The following PCCA variants were observed in gnomAD, a reference collection of about 807,000 sequenced individuals.
PCCA encodes the protein propionyl-CoA carboxylase subunit alpha.
A neutral mutation model predicts 101.3 loss-of-function variants in PCCA; 74 were observed. The observed-to-expected ratio is 0.73, with a 90% CI of 0.61 to 0.89. The LOEUF is 0.89. PCCA is among the 40% of genes least tolerant of loss of function. The probability of loss-of-function intolerance (pLI) is 0.00; values close to 1 mark genes in which losing one functional copy is unlikely to be tolerated. For synonymous variants in PCCA, 294 were observed against 313.6 expected, an observed-to-expected ratio of 0.94 and a Z score of 0.66; for missense variants, 891 against 907.0, an observed-to-expected ratio of 0.98 and a Z score of 0.23.
In PCCA at chr13:100,453,485, A is replaced by G. The variant is rs532540637; in HGVS notation, c.1899+4180A>G. ...ACCACTACACTCTAGTTTAAAAAAAAAAAAAGAAGAAGAAGAAACAAATGG... is the reference window on the plus strand; with the variant it reads ...ACCACTACACTCTAGTTTAAAAAAAGAAAAAGAAGAAGAAGAAACAAATGG... On this transcript the variant is annotated intron_variant, in intron 21 of 23. Transcript: ENST00000376285. Among the ~76,000 whole-genome samples the G allele has an allele frequency of 6.7e-4, 96 of 142,922 alleles. 1 individual carries two copies. Among genetic ancestry groups the G allele is most frequent in the Admixed American group, 2.7e-3 (38 of 14,144 alleles). 93.8% of individuals were successfully genotyped at this position (142,922 alleles called of 152,430 possible).
At chr13:100,311,244 A>ATTTTTTTAAATAAAT (rs2066890367) in intron 16 of PCCA, among the ~76,000 whole-genome samples, 1 of 151,384 alleles carries the variant, frequency 6.6e-6, no homozygotes, top group Non-Finnish European at 1.5e-5. Flanking sequence ...ATGAAAAAAA[A>ATTTTTTTAAATAAAT]AATTTTTTTT....
intron 10 of PCCA, among the ~76,000 whole-genome samples, chr13:100,267,121 G>T (rs558838292): frequency 6.6e-6 from 1 of 152,118 alleles, no homozygotes; most frequent in Admixed American, 6.5e-5. Context: ...TCTTGATTCT[G>T]TATATGAATC....
intron 9 of PCCA, among the ~76,000 whole-genome samples, chr13:100,261,515 G>A (rs896235487): frequency 6.6e-6 from 1 of 151,936 alleles, no homozygotes; most frequent in Non-Finnish European, 1.5e-5. Flanking sequence ...ACAGGCATGG[G>A]CCACCACAAC....
intron 6 of PCCA, among the ~76,000 whole-genome samples, chr13:100,193,075 C>G (rs2057850742): frequency 6.6e-6 from 1 of 152,108 alleles, no homozygotes; most frequent in Non-Finnish European, 1.5e-5. Context: ...GCGAGGCAAA[C>G]CTGATGGCTG....
At chr13:100,190,345 A>G (rs2057652581) in intron 6 of PCCA, among the ~76,000 whole-genome samples, 1 of 152,226 alleles carries the variant, frequency 6.6e-6, no homozygotes, top group Non-Finnish European at 1.5e-5. Context: ...GAGTCAAAGC[A>G]TTGTCAAGTG....
intron 12 of PCCA, among the ~76,000 whole-genome samples, chr13:100,291,300 G>A (rs1319797391): frequency 6.6e-6 from 1 of 152,132 alleles, no homozygotes; most frequent in East Asian, 1.9e-4. Flanking sequence ...AAGTGTACGG[G>A]ATGATATGCA....
At chr13:100,412,607 G>T (rs2078121982) in intron 19 of PCCA, among the ~76,000 whole-genome samples, 1 of 152,156 alleles carries the variant, frequency 6.6e-6, no homozygotes, top group Admixed American at 6.6e-5. Flanking sequence ...ACAGCTGATA[G>T]TGCCCTGTAT....
chr13:100,178,911 A>G (rs1025236845), intron 6 of PCCA, among the ~76,000 whole-genome samples: 1 of 151,522 alleles, frequency 6.6e-6, no homozygotes, highest in African/African-American at 2.4e-5. Flanking sequence ...CCCCATCTCT[A>G]CTAAAAATAC....
At chr13:100,200,746 A>G (rs756462375) in intron 6 of PCCA, among the ~76,000 whole-genome samples, 4 of 151,420 alleles carry the variant, frequency 2.6e-5, no homozygotes, top group Non-Finnish European at 5.9e-5. Flanking sequence ...ACAAATTTAT[A>G]TTATAATAAT....
intron 20 of PCCA, among the ~76,000 whole-genome samples, chr13:100,438,695 A>G (rs1022148881): frequency 4.0e-5 from 6 of 151,530 alleles, no homozygotes; most frequent in Admixed American, 2.6e-4. Flanking sequence ...CCTGTCTTGC[A>G]GCCATCCGAG....
intron 6 of PCCA, among the ~76,000 whole-genome samples, chr13:100,178,797 G>T (rs2056479475): frequency 6.6e-6 from 1 of 151,984 alleles, no homozygotes; most frequent in Non-Finnish European, 1.5e-5. Context: ...AAATGTGTGG[G>T]CCGGGCGCGG....
At chr13:100,230,176 T>C (rs2060379531) in intron 7 of PCCA, among the ~76,000 whole-genome samples, 1 of 152,174 alleles carries the variant, frequency 6.6e-6, no homozygotes, top group Non-Finnish European at 1.5e-5. Flanking sequence ...GGCTGCATAA[T>C]TGCAGGGCGT....
At chr13:100,258,924 C>T (rs572142501) in intron 9 of PCCA, among the ~76,000 whole-genome samples, 5 of 152,174 alleles carry the variant, frequency 3.3e-5, no homozygotes, top group African/African-American at 1.2e-4. Flanking sequence ...TCAACACAGG[C>T]GTGCCTATTA....
At chr13:100,497,531 A>T (rs1265698268) in intron 21 of PCCA, among the ~76,000 whole-genome samples, 1 of 151,474 alleles carries the variant, frequency 6.6e-6, no homozygotes, top group Non-Finnish European at 1.5e-5. Flanking sequence ...AGCAGATACT[A>T]TCACAGCTGC....
At chr13:100,273,062 C>A in intron 11 of PCCA, 134 bp from the exon 12 acceptor site, 1 of 662,614 alleles carries the variant, frequency 1.5e-6, no homozygotes, top group African/African-American at 1.8e-5. Context: ...ATATAAAGCA[C>A]AATATTTTGA....
intron 7 of PCCA, among the ~76,000 whole-genome samples, chr13:100,212,075 A>G (rs967709416): frequency 2.0e-5 from 3 of 152,184 alleles, no homozygotes; most frequent in African/African-American, 7.2e-5. Context: ...AAATGTATGT[A>G]TCTGTTCTGA....
chr13:100,391,157 A>G (rs890163192), intron 19 of PCCA, among the ~76,000 whole-genome samples: 2 of 151,164 alleles, frequency 1.3e-5, no homozygotes, highest in Non-Finnish European at 2.9e-5. Flanking sequence ...AGCTGGGACT[A>G]CAGGCGCACG....
chr13:100,244,991 CAT>C (rs553579580), intron 8 of PCCA, among the ~76,000 whole-genome samples: 205 of 149,636 alleles, frequency 1.4e-3, no homozygotes, highest in African/African-American at 4.8e-3. Context: ...GTGGATAAAT[CAT>C]AGACTCCAAC....
At chr13:100,128,202 A>T (rs1461755579) in intron 4 of PCCA, among the ~76,000 whole-genome samples, 1 of 152,214 alleles carries the variant, frequency 6.6e-6, no homozygotes, top group African/African-American at 2.4e-5. Flanking sequence ...TGGAGCTGAG[A>T]TTCAAATTAT....
Sources: gnomAD v4.1 joint callset for allele counts (sites outside exome capture counted in the v4.1 genomes callset) on GRCh38, gnomAD v4.1.1 for gene constraint, MANE v1.5 for transcripts, NCBI Gene and HGNC (gene_info 2026-07-23, HGNC 2026-07-21) for gene names.